The following OTOGL variants were observed in gnomAD, a reference collection of about 807,000 sequenced individuals.
OTOGL encodes the protein otogelin-like protein.
Under a neutral mutation model 318.5 loss-of-function variants are expected in OTOGL, and 285 were observed. That is an observed-to-expected ratio of 0.89 (90% CI 0.81 to 0.99). The LOEUF (loss-of-function observed/expected upper bound fraction) is 0.99, where lower values mean the gene tolerates loss of function less well. Among genes scored for constraint, OTOGL ranks in the 50% least tolerant of loss-of-function variants. The pLI, the probability that OTOGL is intolerant of heterozygous loss-of-function variation, is 0.00. For missense variants in OTOGL, 2,899 were observed against 2,845.6 expected (o/e 1.02, Z -0.43); for synonymous variants, 987 against 936.5 (o/e 1.05, Z -0.99).
intron 13 of OTOGL, 38 bp downstream of exon 13, chr12:80,252,239 GAAACTAGTACCCAGTGATCTAAGGATC>G: frequency 6.3e-7 from 1 of 1,576,618 alleles, no homozygotes; most frequent in Non-Finnish European, 8.6e-7. Context: ...TGCACTCATG[GAAACTAGTACCCAGTGATCTAAGGATC>G]ACATCTTCGT....
At chr12:80,215,112 T>C (rs976473050) in intron 4 of OTOGL, among the ~76,000 whole-genome samples, 3 of 151,822 alleles carry the variant, frequency 2.0e-5, no homozygotes, top group Non-Finnish European at 4.4e-5. Context: ...GCTTGTGTTA[T>C]CCAATGTTTT....
rs146065799 is a variant in OTOGL at position 80,266,931 on chromosome 12, C to T, written c.2390+315C>T. ...ACTCACAAATTTCTCAATTTACACA[C>T]GAAGTAAAGCCCTTTGTCTTATATA... is the stretch of plus-strand genomic sequence containing the variant. On this transcript the variant is annotated intron_variant, in intron 21 of 58. Transcript: ENST00000547103. 3.5e-3 allele frequency among the ~76,000 whole-genome samples: 526 copies of T among 152,168 alleles called. 5 individuals are homozygous for T. The highest frequency in any genetic ancestry group is 4.2e-3 in the Non-Finnish European group (289 of 68,024).
At chr12:80,147,241 T>G (rs1229376156) in intron 1 of OTOGL, among the ~76,000 whole-genome samples, 1 of 150,252 alleles carries the variant, frequency 6.7e-6, no homozygotes, top group Admixed American at 6.6e-5. Context: ...TCCCAGAGAT[T>G]CTGGTATGTT....
intron 1 of OTOGL, among the ~76,000 whole-genome samples, chr12:80,169,905 A>G (rs7139033): frequency 0.14 from 21,978 of 152,180 alleles, 2,807 homozygotes; most frequent in African/African-American, 0.34. Context: ...TTTCTTATCC[A>G]TTCATTAAAG....
chr12:80,168,391 G>A (rs368376266), intron 1 of OTOGL, among the ~76,000 whole-genome samples: 5 of 152,042 alleles, frequency 3.3e-5, no homozygotes, highest in East Asian at 1.9e-4. Flanking sequence ...ATTTGTCCAC[G>A]TATAGTTCAA....
chr12:80,253,785 C>T (rs1273234955), intron 14 of OTOGL, among the ~76,000 whole-genome samples: 2 of 152,108 alleles, frequency 1.3e-5, no homozygotes, highest in African/African-American at 4.8e-5. Flanking sequence ...AATTCTATAA[C>T]ATCTTATATC....
At chr12:80,137,826 C>A (rs1251282879) in intron 1 of OTOGL, among the ~76,000 whole-genome samples, 2 of 152,116 alleles carry the variant, frequency 1.3e-5, no homozygotes, top group African/African-American at 4.8e-5. Flanking sequence ...TGACTGGAGA[C>A]TTCTCTATTA....
Position 80,257,829 on chromosome 12 carries a change from T to C in OTOGL, c.1716T>C (p.Ile572=), listed in dbSNP as rs1882193605. ...SPNQGFNLNG[I]VEIQTLSSLF... ...ACGTATGTTCTTTTCCTGCAGGTAT[T>C]GTTGAAATTCAAACTCTGTCATCCT... The change falls in exon 18 of 59, where the codon ATT becomes ATC. Residue 572 remains isoleucine, a synonymous_variant. Coordinates refer to ENST00000547103, the MANE Select transcript of OTOGL (RefSeq NM_001378609.3). The C allele has an allele frequency of 2.5e-6, 4 of 1,572,528 alleles. No individual in the cohort carries two copies. In the African/African-American group the frequency reaches 5.4e-5, roughly 21 times the overall value.
intron 1 of OTOGL, among the ~76,000 whole-genome samples, chr12:80,108,803 ATATATATATGTG>A (rs1176530279): frequency 5.4e-5 from 2 of 37,030 alleles, no homozygotes; most frequent in Non-Finnish European, 1.6e-4. Context: ...ATATATATGT[ATATATATATGTG>A]TATATATATG....
At chr12:80,185,313 C>T (rs1465330841) in intron 1 of OTOGL, among the ~76,000 whole-genome samples, 1 of 151,950 alleles carries the variant, frequency 6.6e-6, no homozygotes, top group Non-Finnish European at 1.5e-5. Flanking sequence ...GAAGGAGTCT[C>T]CCTCTGTTGC....
At chr12:80,147,737 T>G (rs1872496356) in intron 1 of OTOGL, among the ~76,000 whole-genome samples, 1 of 152,182 alleles carries the variant, frequency 6.6e-6, no homozygotes, top group African/African-American at 2.4e-5. Flanking sequence ...ATCTGGGTGC[T>G]CCTGTATTGG....
In OTOGL at chr12:80,247,062, T is replaced by G. The variant is rs1235590530; in HGVS notation, c.1053-4631T>G. Among the ~76,000 whole-genome samples, 4 of 121,290 alleles carry G rather than the reference T, an allele frequency of 3.3e-5. No individual in the cohort carries two copies. The East Asian group carries it at 8.6e-4, about 26-fold the overall frequency. 79.6% of individuals were successfully genotyped at this position (121,290 alleles called of 152,430 possible). A position where few individuals can be genotyped will look rare whatever the true frequency, so the allele number is the denominator to read the frequency against. Reference sequence around the variant, plus strand: ...ATTTGATTCTTCTCTCTTTTTTTCTTTATTAGTCTTGCTAGCAGTCTATCA... The same window carrying G: ...ATTTGATTCTTCTCTCTTTTTTTCTGTATTAGTCTTGCTAGCAGTCTATCA... On this transcript the variant is annotated intron_variant, in intron 11 of 58. Transcript: ENST00000547103.
chr12:80,376,775 A>G (rs1464437966), intron 57 of OTOGL, among the ~76,000 whole-genome samples: 1 of 152,132 alleles, frequency 6.6e-6, no homozygotes, highest in East Asian at 1.9e-4. Context: ...TTTATGGTTT[A>G]TTCCAAAAAT....
rs1170966532 is a variant in OTOGL at position 80,323,147 on chromosome 12, CAT to C, written c.4082-570_4082-569del. Among the ~76,000 whole-genome samples the C allele has an allele frequency of 1.4e-3, 49 of 34,318 alleles. 2 individuals are homozygous for C. The East Asian group carries it at 0.015, about 10-fold the overall frequency. 22.5% of individuals were successfully genotyped at this position (34,318 alleles called of 152,430 possible). ...ACACACACACACACACACACACACA[CAT>C]ATATAAAATATTTTGAATTTTCCTC... is the stretch of plus-strand genomic sequence containing the variant. On this transcript the variant is annotated intron_variant, in intron 34 of 58. Coordinates refer to ENST00000547103, the MANE Select transcript of OTOGL (RefSeq NM_001378609.3).
At chr12:80,358,222 AT>A (rs914249286) in intron 49 of OTOGL, 25 bp from the exon 50 acceptor site, 7 of 1,488,932 alleles carry the variant, frequency 4.7e-6, no homozygotes, top group African/African-American at 1.4e-5. Context: ...CTCAGCTGTG[AT>A]TTTTGGCTTC....
At chr12:80,266,314 C>T in intron 20 of OTOGL, 137 bp from the exon 21 acceptor site, 1 of 864,562 alleles carries the variant, frequency 1.2e-6, no homozygotes. Context: ...GCTCTTTGAG[C>T]ATCCAAGTTA....
At position 80,273,925 on chromosome 12, in the gene OTOGL, G is replaced by A. The variant is rs541266230; in HGVS notation, c.2681+2115G>A. ...TTTGATTATTATGTAATTATTTCAG[G>A]GTTCCACAAATGGTGCCCATATAAG... On this transcript the variant is annotated intron_variant, in intron 24 of 58. Transcript: ENST00000547103. Among the ~76,000 whole-genome samples the A allele has an allele frequency of 2.0e-4, 31 of 152,024 alleles. No individual in the cohort carries two copies. The South Asian group carries it at 6.4e-3, about 32-fold the overall frequency.
chr12:80,195,931 G>C (rs1039877229), intron 1 of OTOGL, among the ~76,000 whole-genome samples: 1 of 152,160 alleles, frequency 6.6e-6, no homozygotes, highest in Admixed American at 6.5e-5. Flanking sequence ...CAAAAAAGGG[G>C]ATTTTCTTGA....
At chr12:80,289,553 C>G (rs1303535301) in intron 26 of OTOGL, among the ~76,000 whole-genome samples, 2 of 152,216 alleles carry the variant, frequency 1.3e-5, no homozygotes, top group African/African-American at 4.8e-5. Context: ...TCTATAAGCC[C>G]CTGACTGTGG....
Sources: gnomAD v4.1 joint callset for allele counts (sites outside exome capture counted in the v4.1 genomes callset) on GRCh38, gnomAD v4.1.1 for gene constraint, MANE v1.5 for transcripts, NCBI Gene and HGNC (gene_info 2026-07-23, HGNC 2026-07-21) for gene names.